The following MRPS35 variants were observed in gnomAD, a reference collection of about 807,000 sequenced individuals.
MRPS35 encodes the protein small ribosomal subunit protein mS35.
Under a neutral mutation model 32.7 loss-of-function variants are expected in MRPS35, and 29 were observed. The ratio of observed to expected loss-of-function variants is 0.89; its 90% CI spans 0.66 to 1.21. MRPS35 has a LOEUF of 1.21. Among genes scored for constraint, MRPS35 ranks in the 50% most tolerant of loss-of-function variants. The pLI is 0.00. For synonymous variants in MRPS35, 148 were observed against 139.3 expected (o/e 1.06, Z -0.44); for missense variants, 373 against 383.8 (o/e 0.97, Z 0.23).
At chr12:27,731,041 C>T (rs973850291) in intron 5 of MRPS35, among the ~76,000 whole-genome samples, 1 of 152,202 alleles carries the variant, frequency 6.6e-6, no homozygotes, top group Non-Finnish European at 1.5e-5. Context: ...AGTATGGACT[C>T]ATGGATATTT....
rs112500249 is a variant in MRPS35, at chr12:27,718,059, C to T, written c.321+1601C>T. Among the ~76,000 whole-genome samples the T allele has an allele frequency of 3.3e-3, 505 of 152,066 alleles. 3 individuals carry two copies. The highest frequency in any genetic ancestry group is 4.9e-3 in the Non-Finnish European group (336 of 67,952). On this transcript the variant is annotated intron_variant, in intron 3 of 7. Transcript: ENST00000081029. Reference sequence around the variant, plus strand: ...TTTAAAATGTATAAAAAGGAAAAAACCAAAAAGTACAGCAAATGAAGCTGC... The same window carrying T: ...TTTAAAATGTATAAAAAGGAAAAAATCAAAAAGTACAGCAAATGAAGCTGC...
intron 4 of MRPS35, among the ~76,000 whole-genome samples, chr12:27,720,387 G>A (rs1034419493): frequency 2.3e-5 from 3 of 130,892 alleles, no homozygotes; most frequent in South Asian, 2.5e-4. Context: ...AGAGGGAAAC[G>A]CCATCTCAAA....
intron 5 of MRPS35, among the ~76,000 whole-genome samples, chr12:27,725,390 A>G (rs926701382): frequency 1.3e-5 from 2 of 152,178 alleles, no homozygotes; most frequent in African/African-American, 2.4e-5. Context: ...ATTTATCTGT[A>G]TTATGGAACC....
intron 5 of MRPS35, among the ~76,000 whole-genome samples, chr12:27,725,963 C>T (rs1203280370): frequency 6.6e-6 from 1 of 151,872 alleles, no homozygotes; most frequent in African/African-American, 2.4e-5. Flanking sequence ...AGTGTGCCAC[C>T]ATGCCTGGCC....
chr12:27,728,098 A>G (rs1179596701), intron 5 of MRPS35, among the ~76,000 whole-genome samples: 1 of 152,110 alleles, frequency 6.6e-6, no homozygotes, highest in East Asian at 1.9e-4. Context: ...ACAAAGGGCT[A>G]ACTGGATATG....
chr12:27,716,377 A>G lies in MRPS35; in HGVS notation c.240A>G (p.Ala80=), dbSNP rs770786283. 3 of 1,614,216 alleles carry G rather than the reference A, an allele frequency of 1.9e-6. No individual in the cohort carries two copies. Among genetic ancestry groups the G allele is most frequent in the Non-Finnish European group, 2.5e-6 (3 of 1,180,038 alleles). ...YPVAAPFKPS[A]VPLPVRMGYP... Reference sequence around the variant, plus strand: ...TTGCAGCACCATTTAAACCCTCTGCAGTACCTCTTCCTGTTCGAATGGGTT... The same window carrying G: ...TTGCAGCACCATTTAAACCCTCTGCGGTACCTCTTCCTGTTCGAATGGGTT... The change falls in exon 3 of 8, where the codon GCA becomes GCG. Residue 80 remains alanine, a synonymous_variant. Coordinates refer to ENST00000081029, the MANE Select transcript of MRPS35 (RefSeq NM_021821.4).
chr12:27,736,123 C>A (rs1565468876), intron 6 of MRPS35, among the ~76,000 whole-genome samples: 1 of 152,174 alleles, frequency 6.6e-6, no homozygotes, highest in Non-Finnish European at 1.5e-5. Flanking sequence ...TAGAATTATA[C>A]TTTAGCTGTT....
chr12:27,713,490 C>T lies in MRPS35; in HGVS notation c.113-1290C>T, dbSNP rs946397101. ...GAAGGCCTAAGAACTCAGGGGGCTG[C>T]GTGTACAAGTTCCTGGAGTCCAAAG... On this transcript the variant is annotated intron_variant, in intron 1 of 7. Transcript: ENST00000081029. Among the ~76,000 whole-genome samples the T allele has an allele frequency of 8.8e-4, 134 of 152,294 alleles. 1 individual carries two copies. Among genetic ancestry groups the T allele is most frequent in the African/African-American group, 3.1e-3 (128 of 41,582 alleles).
In MRPS35 at chr12:27,712,663, A is replaced by G. The variant is rs140672536; in HGVS notation, c.112+1708A>G. ...TCCTGTTACATTTTTGTTCTGAGCA[A>G]TTGGATGAATGATGATTCCATGTAC... On this transcript the variant is annotated intron_variant, in intron 1 of 7. Transcript: ENST00000081029. Among the ~76,000 whole-genome samples, 474 of 152,356 alleles carry G rather than the reference A, an allele frequency of 3.1e-3. 2 individuals are homozygous for G. The highest frequency in any genetic ancestry group is 0.011 in the African/African-American group (444 of 41,582).
At chr12:27,740,906 A>G (rs1300146527) in intron 7 of MRPS35, among the ~76,000 whole-genome samples, 1 of 152,102 alleles carries the variant, frequency 6.6e-6, no homozygotes, top group African/African-American at 2.4e-5. Flanking sequence ...TAAAGAAGCA[A>G]GGAGGCTGGG....
intron 5 of MRPS35, among the ~76,000 whole-genome samples, chr12:27,724,777 C>G (rs1342890707): frequency 6.6e-6 from 1 of 151,862 alleles, no homozygotes; most frequent in Non-Finnish European, 1.5e-5. Context: ...GCCCGTAAAT[C>G]TACTATTTGT....
At position 27,721,426 on chromosome 12, in the gene MRPS35, G is replaced by C. The variant is rs183912100; in HGVS notation, c.382+1558G>C. Among the ~76,000 whole-genome samples the C allele has an allele frequency of 2.3e-3, 352 of 152,296 alleles. 1 individual carries two copies. The highest frequency in any genetic ancestry group is 7.8e-3 in the African/African-American group (323 of 41,554). On this transcript the variant is annotated intron_variant, in intron 4 of 7. Coordinates refer to ENST00000081029, the MANE Select transcript of MRPS35 (RefSeq NM_021821.4). ...TAATGCTCGCACTTTGGGAGTCTGA[G>C]GTGGGTGGATTGCTTGAGCTCAGGA...
At chr12:27,731,937 CACA>C (rs1390855928) in intron 5 of MRPS35, among the ~76,000 whole-genome samples, 1 of 152,088 alleles carries the variant, frequency 6.6e-6, no homozygotes, top group Non-Finnish European at 1.5e-5. Context: ...AGTTTAAATA[CACA>C]ACAATATACT....
chr12:27,720,407 AAAG>A, intron 4 of MRPS35, among the ~76,000 whole-genome samples: 2 of 151,674 alleles, frequency 1.3e-5, no homozygotes, highest in East Asian at 3.9e-4. Flanking sequence ...AAAAAAAAAA[AAAG>A]AAAACAAACA....
At chr12:27,722,448 T>C (rs2061880328) in intron 4 of MRPS35, among the ~76,000 whole-genome samples, 1 of 152,228 alleles carries the variant, frequency 6.6e-6, no homozygotes, top group African/African-American at 2.4e-5. Flanking sequence ...TTTTTAGACA[T>C]ATAATTTAGG....
intron 1 of MRPS35, among the ~76,000 whole-genome samples, chr12:27,714,361 G>A (rs896422115): frequency 1.3e-5 from 2 of 151,994 alleles, no homozygotes; most frequent in African/African-American, 2.4e-5. Context: ...TGAGGCAGGC[G>A]GATCACTTCA....
intron 2 of MRPS35, 37 bp downstream of exon 2, chr12:27,714,857 C>T (rs1446673112): frequency 1.3e-6 from 2 of 1,568,428 alleles, no homozygotes; most frequent in African/African-American, 1.4e-5. Flanking sequence ...TTAATGGTTT[C>T]TGGAGTTCTA....
At chr12:27,745,017 G>T (rs35622515) in intron 7 of MRPS35, among the ~76,000 whole-genome samples, 18,487 of 152,134 alleles carry the variant, frequency 0.12, 1,400 homozygotes, top group East Asian at 0.18. Context: ...GTGCAGTGGC[G>T]TGATCTCGGC....
At chr12:27,735,617 T>C (rs1591799860) in intron 6 of MRPS35, 61 bp downstream of exon 6, 1 of 1,217,936 alleles carries the variant, frequency 8.2e-7, no homozygotes, top group East Asian at 2.4e-5. Flanking sequence ...CTCCAATTCC[T>C]TGGCAGTCCT....
Sources: gnomAD v4.1 joint callset for allele counts (sites outside exome capture counted in the v4.1 genomes callset) on GRCh38, gnomAD v4.1.1 for gene constraint, MANE v1.5 for transcripts, NCBI Gene and HGNC (gene_info 2026-07-23, HGNC 2026-07-21) for gene names.